XKR6: variants seen among roughly 807,000 people sequenced by gnomAD.
The protein encoded by XKR6 is XK-related protein 6.
Under a neutral mutation model 56.7 loss-of-function variants are expected in XKR6, and 22 were observed. The observed-to-expected ratio is 0.39, with a 90% confidence interval of 0.28 to 0.55. The LOEUF (loss-of-function observed/expected upper bound fraction) is 0.55. XKR6 is among the 20% of genes least tolerant of loss of function. The probability of loss-of-function intolerance (pLI) is 0.66; values close to 1 mark genes in which losing one functional copy is unlikely to be tolerated. For synonymous variants in XKR6, 524 were observed against 387.8 expected, an observed-to-expected ratio of 1.35 and a Z score of -4.13; for missense variants, 852 against 889.0, an observed-to-expected ratio of 0.96 and a Z score of 0.53.
At chr8:11,021,578 A>G (rs921108229) in intron 1 of XKR6, among the ~76,000 whole-genome samples, 4 of 152,088 alleles carry the variant, frequency 2.6e-5, no homozygotes, top group Non-Finnish European at 5.9e-5. Context: ...CAGCTCAGAG[A>G]GCAGTGGCTG....
chr8:10,962,992 T>G (rs964006911), intron 1 of XKR6, among the ~76,000 whole-genome samples: 1 of 152,186 alleles, frequency 6.6e-6, no homozygotes, highest in Non-Finnish European at 1.5e-5. Context: ...AAATAGTGAC[T>G]ATCTTTTGAG....
intron 2 of XKR6, among the ~76,000 whole-genome samples, chr8:10,912,872 G>T (rs946628073): frequency 1.4e-5 from 1 of 71,508 alleles, no homozygotes; most frequent in African/African-American, 7.5e-5. Context: ...TATAGATAGA[G>T]AGAAAGAGGG....
intron 1 of XKR6, among the ~76,000 whole-genome samples, chr8:11,033,731 C>G (rs561956885): frequency 6.6e-6 from 1 of 152,046 alleles, no homozygotes; most frequent in Non-Finnish European, 1.5e-5. Context: ...TGAGAACCAA[C>G]TGAATGAGAA....
intron 1 of XKR6, among the ~76,000 whole-genome samples, chr8:11,006,216 G>A (rs559658820): frequency 5.3e-5 from 8 of 152,276 alleles, no homozygotes; most frequent in African/African-American, 1.9e-4. Flanking sequence ...TAGAGAGTAG[G>A]GTGAGAAATG....
intron 1 of XKR6, among the ~76,000 whole-genome samples, chr8:11,191,682 A>G (rs1272375930): frequency 1.0e-4 from 15 of 150,004 alleles, no homozygotes; most frequent in Non-Finnish European, 2.2e-4. Context: ...AGGACACTGG[A>G]AAAAAGTCAA....
intron 1 of XKR6, among the ~76,000 whole-genome samples, chr8:11,006,209 A>G (rs1182676399): frequency 2.6e-5 from 4 of 152,182 alleles, no homozygotes; most frequent in Non-Finnish European, 5.9e-5. Flanking sequence ...GATTCACTAG[A>G]GAGTAGGGTG....
At chr8:11,184,367 T>A (rs768745868) in intron 1 of XKR6, among the ~76,000 whole-genome samples, 15 of 147,182 alleles carry the variant, frequency 1.0e-4, no homozygotes, top group East Asian at 5.9e-4. Flanking sequence ...AATACATATT[T>A]TATATATATA....
chr8:11,133,437 G>C (rs1371010222), intron 1 of XKR6, among the ~76,000 whole-genome samples: 4 of 152,082 alleles, frequency 2.6e-5, no homozygotes, highest in Admixed American at 2.0e-4. Context: ...CTGCCTCCTG[G>C]AGAGAGGGCA....
chr8:11,032,642 C>G (rs889725175), intron 1 of XKR6, among the ~76,000 whole-genome samples: 11 of 152,176 alleles, frequency 7.2e-5, no homozygotes, highest in Non-Finnish European at 1.6e-4. Context: ...TGTTTGCCCT[C>G]CCCAGGCTCA....
At chr8:11,102,129 C>A (rs1798507104) in intron 1 of XKR6, among the ~76,000 whole-genome samples, 1 of 152,122 alleles carries the variant, frequency 6.6e-6, no homozygotes. Flanking sequence ...TAAGACAAAC[C>A]TGTGGGTCAA....
At chr8:11,116,854 A>G (rs969881487) in intron 1 of XKR6, among the ~76,000 whole-genome samples, 31 of 152,170 alleles carry the variant, frequency 2.0e-4, no homozygotes, top group Admixed American at 3.9e-4. Context: ...AACAACTGCG[A>G]CACTGTCCTA....
At chr8:11,090,155 G>A (rs1211164157) in intron 1 of XKR6, among the ~76,000 whole-genome samples, 2 of 152,134 alleles carry the variant, frequency 1.3e-5, no homozygotes, top group Non-Finnish European at 1.5e-5. Context: ...GCAAATTATA[G>A]CTCACTGCAG....
chr8:10,986,986 C>T (rs1480558353), intron 1 of XKR6, among the ~76,000 whole-genome samples: 1 of 151,806 alleles, frequency 6.6e-6, no homozygotes, highest in African/African-American at 2.4e-5. Context: ...ATGGGGGTCT[C>T]ACTACGTTGC....
chr8:11,182,331 C>T (rs933045393), intron 1 of XKR6, among the ~76,000 whole-genome samples: 1 of 152,188 alleles, frequency 6.6e-6, no homozygotes, highest in South Asian at 2.1e-4. Context: ...TAATTTCAGC[C>T]TTAATGAGAC....
At chr8:11,166,824 C>T (rs572520084) in intron 1 of XKR6, among the ~76,000 whole-genome samples, 29 of 152,152 alleles carry the variant, frequency 1.9e-4, no homozygotes, top group South Asian at 4.2e-4. Flanking sequence ...CCAACCGCCT[C>T]GACCTCTCAA....
At chr8:11,155,911 GTCC>G (rs1341211136) in intron 1 of XKR6, among the ~76,000 whole-genome samples, 2 of 152,270 alleles carry the variant, frequency 1.3e-5, no homozygotes, top group East Asian at 1.9e-4. Context: ...TTTAGATCAT[GTCC>G]TCCTTCTCTC....
intron 1 of XKR6, among the ~76,000 whole-genome samples, chr8:11,041,448 C>T (rs965441400): frequency 6.6e-6 from 1 of 151,742 alleles, no homozygotes; most frequent in Non-Finnish European, 1.5e-5. Context: ...TCCAGCTACT[C>T]GGGAGGCTGA....
At chr8:10,905,664 C>A (rs967234829) in intron 2 of XKR6, among the ~76,000 whole-genome samples, 1 of 152,190 alleles carries the variant, frequency 6.6e-6, no homozygotes, top group African/African-American at 2.4e-5. Flanking sequence ...CTGGCCCCCT[C>A]CCTGCCTCCC....
chr8:11,140,756 G>A (rs1800652192), intron 1 of XKR6, among the ~76,000 whole-genome samples: 1 of 152,044 alleles, frequency 6.6e-6, no homozygotes, highest in Admixed American at 6.6e-5. Flanking sequence ...CAATTAGCCA[G>A]GCATGGTGGT....
Sources: allele counts gnomAD v4.1 joint callset (sites outside exome capture counted in the v4.1 genomes callset), GRCh38; gene constraint gnomAD v4.1.1; transcripts MANE v1.5; gene names NCBI Gene and HGNC (gene_info 2026-07-23, HGNC 2026-07-21).